The following RABGAP1L variants were observed in gnomAD, a reference collection of about 807,000 sequenced individuals.
The protein encoded by RABGAP1L is RAB GTPase activating protein 1 like.
Under a neutral mutation model 137.7 loss-of-function variants are expected in RABGAP1L, and 63 were observed. The observed-to-expected ratio is 0.46, with a 90% confidence interval of 0.37 to 0.56. The LOEUF (loss-of-function observed/expected upper bound fraction) is 0.56, where lower values mean the gene tolerates loss of function less well. RABGAP1L is among the 20% of genes least tolerant of loss of function. The pLI, the probability that RABGAP1L is intolerant of heterozygous loss-of-function variation, is 0.00. For missense variants in RABGAP1L, 1,095 were observed against 1,244.0 expected (o/e 0.88, Z 1.80); for synonymous variants, 431 against 433.7 (o/e 0.99, Z 0.08).
chr1:174,979,257 A>T (rs1020640419), intron 23 of RABGAP1L, among the ~76,000 whole-genome samples: 1 of 152,220 alleles, frequency 6.6e-6, no homozygotes, highest in Non-Finnish European at 1.5e-5. Context: ...TTTTGTTTTT[A>T]AAGTTTCCAG....
intron 13 of RABGAP1L, among the ~76,000 whole-genome samples, chr1:174,557,102 G>C (rs540741916): frequency 1.3e-5 from 2 of 152,318 alleles, no homozygotes; most frequent in African/African-American, 4.8e-5. Flanking sequence ...AGCCCGACTG[G>C]CTTGTGCAGC....
At chr1:174,797,634 TG>T (rs1211224750) in intron 18 of RABGAP1L, among the ~76,000 whole-genome samples, 100 of 42,052 alleles carry the variant, frequency 2.4e-3, no homozygotes, top group African/African-American at 9.1e-3. Context: ...TGTGGGTGTG[TG>T]GGGGGGTGTG....
intron 13 of RABGAP1L, among the ~76,000 whole-genome samples, chr1:174,597,449 T>C (rs1045792690): frequency 6.6e-6 from 1 of 152,162 alleles, no homozygotes; most frequent in Non-Finnish European, 1.5e-5. Context: ...TGGTAGGTTA[T>C]ATGTGTCTAG....
chr1:174,768,106 A>G (rs764294592), intron 18 of RABGAP1L, among the ~76,000 whole-genome samples: 1 of 152,228 alleles, frequency 6.6e-6, no homozygotes, highest in Non-Finnish European at 1.5e-5. Flanking sequence ...AAATTGTATC[A>G]GTCATCTTGT....
chr1:174,881,855 T>G (rs1455756378), intron 19 of RABGAP1L, among the ~76,000 whole-genome samples: 1 of 152,128 alleles, frequency 6.6e-6, no homozygotes, highest in Non-Finnish European at 1.5e-5. Context: ...CATTTTTTCA[T>G]CAAACATTTT....
chr1:174,248,151 G>C (rs1219464852), intron 5 of RABGAP1L, among the ~76,000 whole-genome samples: 1 of 152,062 alleles, frequency 6.6e-6, no homozygotes. Context: ...GAATTATTGG[G>C]CTAAATCCAG....
chr1:174,550,983 CATATATATATATACACATATAT>C (rs1447499135), intron 13 of RABGAP1L, among the ~76,000 whole-genome samples: 5 of 83,426 alleles, frequency 6.0e-5, no homozygotes, highest in African/African-American at 4.9e-4. Context: ...TGTATATATA[CATATATATATATACACATATAT>C]ATATATATAT....
chr1:174,548,227 G>T, intron 13 of RABGAP1L: 1 of 1,415,300 alleles, frequency 7.1e-7, no homozygotes, highest in South Asian at 1.6e-5. Context: ...ATAATCTACA[G>T]AATTGAAGCC....
intron 13 of RABGAP1L, among the ~76,000 whole-genome samples, chr1:174,564,642 C>T (rs74809154): frequency 0.022 from 3,404 of 152,162 alleles, 58 homozygotes; most frequent in Middle Eastern, 0.088. Flanking sequence ...ACCTCAGATC[C>T]CCTGGGCAGA....
At chr1:174,984,936 C>G (rs1172196371) in intron 24 of RABGAP1L, among the ~76,000 whole-genome samples, 1 of 152,110 alleles carries the variant, frequency 6.6e-6, no homozygotes. Context: ...TGAGTGAAGA[C>G]GCAAACACAG....
intron 1 of RABGAP1L, among the ~76,000 whole-genome samples, chr1:174,195,101 T>C (rs567015719): frequency 1.1e-4 from 17 of 152,328 alleles, no homozygotes; most frequent in Admixed American, 4.6e-4. Context: ...TGAGTTCTTG[T>C]TCAGTTGAGA....
At chr1:174,279,415 A>G (rs1316045010) in intron 10 of RABGAP1L, among the ~76,000 whole-genome samples, 1 of 152,174 alleles carries the variant, frequency 6.6e-6, no homozygotes, top group Non-Finnish European at 1.5e-5. Flanking sequence ...AAAATGCTCT[A>G]TTAGAATAAT....
At chr1:174,857,449 G>A (rs1257807735) in intron 19 of RABGAP1L, among the ~76,000 whole-genome samples, 1 of 152,004 alleles carries the variant, frequency 6.6e-6, no homozygotes, top group Non-Finnish European at 1.5e-5. Context: ...TTCCCCAGCT[G>A]TAAATCAGGC....
At chr1:174,422,945 C>CAAAA (rs202100563) in intron 13 of RABGAP1L, among the ~76,000 whole-genome samples, 6 of 79,622 alleles carry the variant, frequency 7.5e-5, no homozygotes, top group Admixed American at 1.5e-4. Flanking sequence ...AGATTCTGTC[C>CAAAA]AAAAAAAAAA....
At chr1:174,783,707 CTTTT>C (rs34367315) in intron 18 of RABGAP1L, among the ~76,000 whole-genome samples, 3 of 102,476 alleles carry the variant, frequency 2.9e-5, no homozygotes, top group African/African-American at 7.2e-5. Flanking sequence ...TCTTCTTCTT[CTTTT>C]TTTTTTTTTT....
intron 13 of RABGAP1L, among the ~76,000 whole-genome samples, chr1:174,434,295 G>T (rs551997462): frequency 6.6e-6 from 1 of 152,138 alleles, no homozygotes; most frequent in Non-Finnish European, 1.5e-5. Flanking sequence ...CATGTTATGT[G>T]TGTCTTTAGT....
intron 17 of RABGAP1L, among the ~76,000 whole-genome samples, chr1:174,750,585 G>A (rs1684272459): frequency 6.6e-6 from 1 of 152,138 alleles, no homozygotes; most frequent in African/African-American, 2.4e-5. Flanking sequence ...TAAGAATACA[G>A]CCAAGGTAGC....
intron 1 of RABGAP1L, among the ~76,000 whole-genome samples, chr1:174,207,962 T>A (rs2148419355): frequency 1.3e-5 from 2 of 152,318 alleles, no homozygotes; most frequent in East Asian, 1.9e-4. Flanking sequence ...GTACTCAAGT[T>A]GGGAAGAATT....
intron 19 of RABGAP1L, among the ~76,000 whole-genome samples, chr1:174,830,030 C>T (rs1360360369): frequency 6.8e-6 from 1 of 148,096 alleles, no homozygotes; most frequent in East Asian, 2.1e-4. Flanking sequence ...CCTGGATTCA[C>T]TCATGTGGTA....
Sources: gnomAD v4.1 joint callset for allele counts (sites outside exome capture counted in the v4.1 genomes callset) on GRCh38, gnomAD v4.1.1 for gene constraint, MANE v1.5 for transcripts, NCBI Gene and HGNC (gene_info 2026-07-23, HGNC 2026-07-21) for gene names.